The following COX7B2 variants were observed in gnomAD, a reference collection of about 807,000 sequenced individuals.
COX7B2 encodes cytochrome c oxidase subunit 7B2, mitochondrial.
For synonymous variants in COX7B2, 37 were observed against 32.1 expected (o/e 1.15, Z -0.51); for missense variants, 109 against 95.9 (o/e 1.14, Z -0.57).
intron 2 of COX7B2, among the ~76,000 whole-genome samples, chr4:46,812,849 A>G (rs1463211560): frequency 6.6e-6 from 1 of 152,194 alleles, no homozygotes; most frequent in Non-Finnish European, 1.5e-5. Context: ...AGGGTGTGGC[A>G]TCAACTATGA....
Position 46,786,934 on chromosome 4 carries a change from G to A in COX7B2, c.-49-51693C>T, listed in dbSNP as rs557465801. Among the ~76,000 whole-genome samples the A allele has an allele frequency of 5.3e-4, 81 of 152,252 alleles. 1 individual carries two copies. The South Asian group carries it at 0.016, about 31-fold the overall frequency. On this transcript the variant is annotated intron_variant, in intron 2 of 2. Coordinates refer to ENST00000355591, the MANE Select transcript of COX7B2 (RefSeq NM_130902.3). ...CCCACCCTCCACACGTGGCATAAAA[G>A]AGAGAGTTCCTGGACTTCCAGGGTC... is the stretch of plus-strand genomic sequence containing the variant.
At chr4:46,751,010 A>G (rs1488637503) in intron 2 of COX7B2, among the ~76,000 whole-genome samples, 4 of 152,184 alleles carry the variant, frequency 2.6e-5, no homozygotes, top group African/African-American at 7.2e-5. Context: ...ATAACAATGA[A>G]CTATAAAGCT....
At chr4:46,835,953 T>C (rs116473371) in intron 2 of COX7B2, among the ~76,000 whole-genome samples, 1,681 of 152,278 alleles carry the variant, frequency 0.011, 20 homozygotes, top group Middle Eastern at 0.041. Context: ...ATGATTTATG[T>C]ACCTAAACAT....
At chr4:46,819,111 A>C (rs1714081824) in intron 2 of COX7B2, among the ~76,000 whole-genome samples, 1 of 152,240 alleles carries the variant, frequency 6.6e-6, no homozygotes, top group African/African-American at 2.4e-5. Flanking sequence ...AAAACCATGT[A>C]GCCTTCTCTT....
At chr4:46,738,323 G>A (rs1219147826) in intron 2 of COX7B2, among the ~76,000 whole-genome samples, 1 of 151,910 alleles carries the variant, frequency 6.6e-6, no homozygotes, top group Non-Finnish European at 1.5e-5. Flanking sequence ...TTCATCCTTT[G>A]GCTATTCCCA....
intron 2 of COX7B2, among the ~76,000 whole-genome samples, chr4:46,772,561 T>C (rs1035642558): frequency 1.3e-5 from 2 of 152,064 alleles, no homozygotes; most frequent in African/African-American, 4.8e-5. Context: ...CTTAAATATA[T>C]ATAATTTTTA....
intron 1 of COX7B2, among the ~76,000 whole-genome samples, chr4:46,884,179 G>A (rs570888512): frequency 6.6e-6 from 1 of 150,644 alleles, no homozygotes; most frequent in Non-Finnish European, 1.5e-5. Context: ...GGGGCCAGTT[G>A]GGGGGTGGTG....
chr4:46,782,677 C>T (rs977910517), intron 2 of COX7B2, among the ~76,000 whole-genome samples: 1 of 152,174 alleles, frequency 6.6e-6, no homozygotes, highest in Non-Finnish European at 1.5e-5. Flanking sequence ...AGAGCTGTAA[C>T]ACTCACCATG....
intron 2 of COX7B2, among the ~76,000 whole-genome samples, chr4:46,738,196 G>A (rs1462484749): frequency 6.6e-6 from 1 of 151,982 alleles, no homozygotes; most frequent in Non-Finnish European, 1.5e-5. Context: ...CTAGTGGGTC[G>A]GCTCATGCTT....
At chr4:46,836,387 T>C (rs933395886) in intron 2 of COX7B2, among the ~76,000 whole-genome samples, 1 of 151,844 alleles carries the variant, frequency 6.6e-6, no homozygotes, top group Non-Finnish European at 1.5e-5. Context: ...GTAGTTAAAA[T>C]CTAAAATGCA....
intron 1 of COX7B2, among the ~76,000 whole-genome samples, chr4:46,886,539 T>C (rs1719096474): frequency 6.6e-6 from 1 of 152,158 alleles, no homozygotes; most frequent in Non-Finnish European, 1.5e-5. Context: ...ACTCTTATTC[T>C]CACAAGTATA....
At chr4:46,784,924 T>C in intron 2 of COX7B2, among the ~76,000 whole-genome samples, 1 of 152,232 alleles carries the variant, frequency 6.6e-6, no homozygotes, top group South Asian at 2.1e-4. Context: ...CAACAAATTA[T>C]TTTTCTTTTC....
Position 46,840,446 on chromosome 4 carries a change from G to A in COX7B2, c.-50+4514C>T, listed in dbSNP as rs1159459857. On this transcript the variant is annotated intron_variant, in intron 2 of 2. Transcript: ENST00000355591. ...AAGCCACAAGAACTCTCTGTCATGA[G>A]GGATAGTTGGGTGCACTGAGGAGTA... Among the ~76,000 whole-genome samples, 3 of 152,116 alleles carry A rather than the reference G, an allele frequency of 2.0e-5. No homozygotes were observed. In the East Asian group the frequency reaches 5.8e-4, roughly 29 times the overall value.
At chr4:46,883,776 TA>T (rs112798647) in intron 1 of COX7B2, among the ~76,000 whole-genome samples, 19,954 of 145,038 alleles carry the variant, frequency 0.14, 1,402 homozygotes, top group South Asian at 0.26. Context: ...AATAAACCTT[TA>T]AAAAAAAAAA....
chr4:46,792,069 T>C (rs1718079225), intron 2 of COX7B2, among the ~76,000 whole-genome samples: 1 of 152,202 alleles, frequency 6.6e-6, no homozygotes, highest in Admixed American at 6.5e-5. Context: ...GAAGTAGGTG[T>C]CAGCATTTGT....
intron 2 of COX7B2, among the ~76,000 whole-genome samples, chr4:46,798,510 T>C (rs1484113173): frequency 6.6e-6 from 1 of 152,158 alleles, no homozygotes; most frequent in Non-Finnish European, 1.5e-5. Context: ...GAAATGCCAT[T>C]TGGAGTCTTT....
Position 46,768,624 on chromosome 4 carries a change from T to C in COX7B2, c.-49-33383A>G, listed in dbSNP as rs563475195. Among the ~76,000 whole-genome samples the C allele has an allele frequency of 2.6e-3, 401 of 152,160 alleles. 1 individual carries two copies. The highest frequency in any genetic ancestry group is 4.8e-3 in the Non-Finnish European group (327 of 68,020). On this transcript the variant is annotated intron_variant, in intron 2 of 2. Coordinates refer to ENST00000355591, the MANE Select transcript of COX7B2 (RefSeq NM_130902.3). ...CTTCCTGTCTGTATCAATAAGTGCC[T>C]ACATTAAGAAAAAGAAACATCTCAA...
intron 2 of COX7B2, among the ~76,000 whole-genome samples, chr4:46,786,613 C>T (rs549897337): frequency 1.8e-4 from 27 of 152,198 alleles, no homozygotes; most frequent in East Asian, 7.7e-4. Context: ...TTTCTTTTCT[C>T]ATTTTACTGA....
At chr4:46,853,561 C>G (rs1377717107) in intron 1 of COX7B2, among the ~76,000 whole-genome samples, 1 of 151,912 alleles carries the variant, frequency 6.6e-6, no homozygotes, top group Non-Finnish European at 1.5e-5. Context: ...CATACAGTAT[C>G]CAGTCAAGAT....
Sources: allele counts gnomAD v4.1 joint callset (sites outside exome capture counted in the v4.1 genomes callset), GRCh38; gene constraint gnomAD v4.1.1; transcripts MANE v1.5; gene names NCBI Gene and HGNC (gene_info 2026-07-23, HGNC 2026-07-21).